The following FAM120A variants were observed in gnomAD, a reference collection of about 807,000 sequenced individuals.
FAM120A encodes the protein constitutive coactivator of PPAR-gamma-like protein 1.
In FAM120A, 15 loss-of-function variants were observed where a neutral mutation model predicts 109.7. That is an observed-to-expected ratio of 0.14 (90% CI 0.09 to 0.21). FAM120A has a LOEUF of 0.21. Ranked by LOEUF, FAM120A falls within the 10% of genes least tolerant of loss-of-function variation. The pLI, the probability that FAM120A is intolerant of heterozygous loss-of-function variation, is 1.00. For synonymous variants in FAM120A, 493 were observed against 572.8 expected, an observed-to-expected ratio of 0.86 and a Z score of 1.99; for missense variants, 899 against 1,439.3, an observed-to-expected ratio of 0.62 and a Z score of 6.07.
intron 11 of FAM120A, among the ~76,000 whole-genome samples, chr9:93,543,945 G>A (rs1051663410): frequency 4.7e-4 from 72 of 152,286 alleles, no homozygotes; most frequent in African/African-American, 1.3e-3. Flanking sequence ...ACATCATAGA[G>A]TATATACAAA....
intron 5 of FAM120A, among the ~76,000 whole-genome samples, chr9:93,512,100 G>A (rs2131393897): frequency 6.6e-6 from 1 of 152,200 alleles, no homozygotes; most frequent in East Asian, 1.9e-4. Context: ...CCAGTTTTTT[G>A]TTTTGTTTTG....
At chr9:93,485,410 A>G (rs1354710750) in intron 3 of FAM120A, among the ~76,000 whole-genome samples, 1 of 152,122 alleles carries the variant, frequency 6.6e-6, no homozygotes, top group Non-Finnish European at 1.5e-5. Flanking sequence ...AGCCTGGGTA[A>G]CATAGTGAGA....
At chr9:93,453,691 G>C in intron 1 of FAM120A, 1 of 923,090 alleles carries the variant, frequency 1.1e-6, no homozygotes, top group Non-Finnish European at 1.3e-6. Flanking sequence ...GCGCCTGGCA[G>C]ACACACAGCT....
chr9:93,533,038 C>T (rs569825043), intron 10 of FAM120A, among the ~76,000 whole-genome samples: 1 of 152,246 alleles, frequency 6.6e-6, no homozygotes, highest in East Asian at 1.9e-4. Flanking sequence ...GTAATTTTAT[C>T]TCCTAATGTA....
chr9:93,529,787 AC>A (rs550432545), intron 9 of FAM120A: 24 of 616,492 alleles, frequency 3.9e-5, no homozygotes, highest in African/African-American at 3.0e-4. Flanking sequence ...GAAAAGTCTC[AC>A]TTTTTTCCTT....
At chr9:93,528,708 A>G (rs1044132674) in intron 8 of FAM120A, among the ~76,000 whole-genome samples, 7 of 152,184 alleles carry the variant, frequency 4.6e-5, no homozygotes, top group African/African-American at 1.7e-4. Context: ...TAATGGGATT[A>G]TGCTGTGGCT....
intron 7 of FAM120A, among the ~76,000 whole-genome samples, chr9:93,526,157 C>T (rs1287809917): frequency 2.0e-5 from 3 of 152,114 alleles, no homozygotes; most frequent in African/African-American, 7.2e-5. Context: ...GGTGAGTGCA[C>T]GGAGCACCAC....
At chr9:93,527,330 T>TC in intron 8 of FAM120A, 88 bp downstream of exon 8, 1 of 957,780 alleles carries the variant, frequency 1.0e-6, no homozygotes. Flanking sequence ...AAAAATAATA[T>TC]CTCTCTCTTT....
intron 7 of FAM120A, among the ~76,000 whole-genome samples, chr9:93,526,760 G>A (rs1025579930): frequency 3.9e-5 from 6 of 152,140 alleles, no homozygotes; most frequent in East Asian, 1.9e-4. Flanking sequence ...TGTAGTATTC[G>A]ATCCAGATAA....
rs749784652 is a variant in FAM120A at position 93,497,651 on chromosome 9, T to A, written c.933+52T>A. The A allele has an allele frequency of 7.7e-5, 120 of 1,557,628 alleles. 1 individual carries two copies. The highest frequency in any genetic ancestry group is 9.8e-5 in the Non-Finnish European group (113 of 1,157,238). On this transcript the variant is annotated intron_variant, in intron 4 of 17. Coordinates refer to ENST00000277165, the MANE Select transcript of FAM120A (RefSeq NM_014612.5). ...AAAACAGATTCATGGGATATGACGT[T>A]GCATAGTGGTGTGGCCAGGTTTGGA...
chr9:93,549,973 G>C (rs1454487245), intron 11 of FAM120A, among the ~76,000 whole-genome samples: 1 of 152,234 alleles, frequency 6.6e-6, no homozygotes, highest in Non-Finnish European at 1.5e-5. Context: ...TGAAGTTGAA[G>C]ATTTGGAGAT....
intron 10 of FAM120A, among the ~76,000 whole-genome samples, chr9:93,538,231 A>C (rs1861586901): frequency 6.6e-6 from 1 of 152,140 alleles, no homozygotes. Context: ...TCCATCCTCA[A>C]CTATCAAAGT....
chr9:93,476,213 A>G (rs191863425), intron 2 of FAM120A, 43 bp from the exon 3 acceptor site: 21 of 1,358,316 alleles, frequency 1.5e-5, no homozygotes, highest in Non-Finnish European at 2.1e-5. Flanking sequence ...TCCCTATGTT[A>G]CTTAAGATGA....
Position 93,532,163 on chromosome 9 carries a change from C to T in FAM120A, c.1743C>T (p.Ile581=). 6.2e-7 allele frequency: 1 copy of T among 1,613,618 alleles called. No individual in the cohort carries two copies. The highest frequency in any genetic ancestry group is 8.5e-7 in the Non-Finnish European group (1 of 1,179,796). ...YIFHVLTKGE[I]KIAVSIEDEA... ...CTTTCTTCCATGCAAAGGGTGAAAT[C>T]AAAATTGCTGTTTCTATTGAAGATG... The change falls in exon 10 of 18, where the codon ATC becomes ATT. Residue 581 remains isoleucine (I), a synonymous_variant. Coordinates refer to ENST00000277165, the MANE Select transcript of FAM120A (RefSeq NM_014612.5). This position sits in a 1 kb window ranked among gnomAD's most constrained non-coding sequence, Gnocchi z 4.3.
intron 3 of FAM120A, among the ~76,000 whole-genome samples, chr9:93,496,691 A>G (rs1386277450): frequency 6.6e-6 from 1 of 152,182 alleles, no homozygotes; most frequent in Non-Finnish European, 1.5e-5. Flanking sequence ...GGCAGCCTTC[A>G]TTGAATTTTG....
intron 17 of FAM120A, among the ~76,000 whole-genome samples, chr9:93,563,345 A>G (rs1199340087): frequency 6.6e-6 from 1 of 152,250 alleles, no homozygotes; most frequent in Non-Finnish European, 1.5e-5. Context: ...TTTCTTCAGC[A>G]CCGAGTCAGT....
chr9:93,451,777 A>C lies in FAM120A; in HGVS notation c.-139A>C, dbSNP rs866208786. On this transcript the variant is annotated 5_prime_UTR_variant, in exon 1 of 18. It removes an upstream start codon present in the reference 5' UTR. Transcript: ENST00000277165. ...GCAGCACATGGCGGCCGCGGCGGCC[A>C]TGAGCGCGCCCCCGACCCGCCCCAG... 2 of 971,064 alleles carry C rather than the reference A, an allele frequency of 2.1e-6. No homozygotes were observed. Among genetic ancestry groups the C allele is most frequent in the Non-Finnish European group, 2.4e-6 (2 of 825,822 alleles). The allele number at this position is 971,064 out of a possible 1,614,324, so 60.2% of individuals were successfully genotyped here. A position where few individuals can be genotyped will look rare whatever the true frequency, so the allele number is the denominator to read the frequency against.
At chr9:93,562,159 G>T in intron 16 of FAM120A, 49 bp from the exon 17 acceptor site, 1 of 1,400,436 alleles carries the variant, frequency 7.1e-7, no homozygotes, top group Non-Finnish European at 1.0e-6. Context: ...TTTAAATGTT[G>T]TCTGTAACAG....
intron 1 of FAM120A, among the ~76,000 whole-genome samples, chr9:93,455,995 T>C (rs7847794): frequency 0.026 from 3,982 of 152,292 alleles, 165 homozygotes; most frequent in African/African-American, 0.09. Context: ...GATTATTTCT[T>C]TTACAGAGTA....
Sources: allele counts gnomAD v4.1 joint callset (sites outside exome capture counted in the v4.1 genomes callset), GRCh38; gene constraint gnomAD v4.1.1; non-coding constraint Gnocchi (gnomAD v3.1); transcripts MANE v1.5; gene names NCBI Gene and HGNC (gene_info 2026-07-23, HGNC 2026-07-21).